The following EVI5 variants were observed in gnomAD, a reference collection of about 807,000 sequenced individuals.
The protein encoded by EVI5 is ecotropic viral integration site 5 protein homolog.
A neutral mutation model predicts 112.0 loss-of-function variants in EVI5; 73 were observed. The ratio of observed to expected loss-of-function variants is 0.65; its 90% CI spans 0.54 to 0.79. EVI5 has a LOEUF of 0.79. Among genes scored for constraint, EVI5 ranks in the 30% least tolerant of loss-of-function variants. The pLI, the probability that EVI5 is intolerant of heterozygous loss-of-function variation, is 0.00. For missense variants in EVI5, 900 were observed against 968.8 expected (o/e 0.93, Z 0.94); for synonymous variants, 305 against 319.9 (o/e 0.95, Z 0.50).
chr1:92,590,527 CAAAT>C (rs1673643503), intron 18 of EVI5, among the ~76,000 whole-genome samples: 1 of 151,980 alleles, frequency 6.6e-6, no homozygotes, highest in African/African-American at 2.4e-5. Context: ...GATGGAATAT[CAAAT>C]GAATGAAATG....
At chr1:92,579,932 A>C (rs922262077) in intron 18 of EVI5, among the ~76,000 whole-genome samples, 7 of 152,246 alleles carry the variant, frequency 4.6e-5, no homozygotes, top group African/African-American at 1.7e-4. Flanking sequence ...TGAATCTTCA[A>C]GCTTCTCTTT....
At chr1:92,645,566 T>C (rs1660784722) in intron 13 of EVI5, among the ~76,000 whole-genome samples, 1 of 152,120 alleles carries the variant, frequency 6.6e-6, no homozygotes, top group African/African-American at 2.4e-5. Context: ...CACCCCTACC[T>C]ACAGGCTCAG....
intron 14 of EVI5, among the ~76,000 whole-genome samples, chr1:92,627,655 T>C (rs892847335): frequency 3.3e-5 from 5 of 152,206 alleles, no homozygotes; most frequent in African/African-American, 1.2e-4. Context: ...AGTGCAGAAG[T>C]GTTCCCTGTT....
upstream of EVI5, among the ~76,000 whole-genome samples, chr1:92,786,235 G>A (rs1288563487): frequency 3.4e-4 from 47 of 139,786 alleles, no homozygotes; most frequent in Non-Finnish European, 5.0e-4. Context: ...AAGCATTTCA[G>A]AAAAAAAAAA....
intron 9 of EVI5, among the ~76,000 whole-genome samples, chr1:92,683,886 G>C (rs1162650878): frequency 6.6e-6 from 1 of 152,134 alleles, no homozygotes; most frequent in African/African-American, 2.4e-5. Flanking sequence ...AAGACTCCAA[G>C]AAATATGGGA....
At chr1:92,578,532 G>A (rs146040516) in intron 18 of EVI5, among the ~76,000 whole-genome samples, 3,073 of 151,944 alleles carry the variant, frequency 0.02, 113 homozygotes, top group African/African-American at 0.07. Flanking sequence ...TGGCTAACAC[G>A]GTGAAACCCC....
At chr1:92,684,318 G>A (rs1004832479) in intron 9 of EVI5, among the ~76,000 whole-genome samples, 3 of 152,068 alleles carry the variant, frequency 2.0e-5, no homozygotes, top group African/African-American at 7.2e-5. Flanking sequence ...CAGAAGTGAA[G>A]GAGAAATAAA....
At chr1:92,682,705 C>A (rs1250557275) in intron 9 of EVI5, among the ~76,000 whole-genome samples, 1 of 152,040 alleles carries the variant, frequency 6.6e-6, no homozygotes, top group African/African-American at 2.4e-5. Flanking sequence ...GAGCCAAGAT[C>A]GCACCATTGT....
chr1:92,528,253 G>A (rs1662263338), intron 19 of EVI5, among the ~76,000 whole-genome samples: 1 of 152,206 alleles, frequency 6.6e-6, no homozygotes, highest in Non-Finnish European at 1.5e-5. Context: ...GTGTAAACTG[G>A]TATAAGCACT....
At chr1:92,609,635 C>G (rs553065897) in intron 16 of EVI5, among the ~76,000 whole-genome samples, 8 of 152,258 alleles carry the variant, frequency 5.3e-5, no homozygotes, top group Middle Eastern at 3.4e-3. Context: ...TGGGAGATTA[C>G]AGGCATGAGC....
chr1:92,729,863 T>C lies in EVI5; in HGVS notation c.149+6535A>G, dbSNP rs893345677. Among the ~76,000 whole-genome samples the C allele has an allele frequency of 3.9e-5, 6 of 152,290 alleles. 1 individual carries two copies. The highest frequency in any genetic ancestry group is 3.9e-4 in the Admixed American group (6 of 15,290). On this transcript the variant is annotated intron_variant, in intron 2 of 19. Coordinates refer to ENST00000684568, the MANE Select transcript of EVI5 (RefSeq NM_001350197.2). The stretch of plus-strand genomic sequence containing the variant: ...GTATCACAAACAAAATTTTAGCAAA[T>C]TGAATCCAATACTTTACAAAGAAAA...
chr1:92,522,407 GCAGA>G (rs1468322984), intron 19 of EVI5, among the ~76,000 whole-genome samples: 6 of 152,020 alleles, frequency 3.9e-5, no homozygotes, highest in Non-Finnish European at 7.4e-5. Context: ...GGAGGCCAAG[GCAGA>G]AGGATCACAA....
chr1:92,769,471 C>T (rs565145105), intron 1 of EVI5, among the ~76,000 whole-genome samples: 12 of 152,264 alleles, frequency 7.9e-5, no homozygotes, highest in African/African-American at 2.9e-4. Context: ...TCCCTCCCTC[C>T]TCTCACGCCC....
At chr1:92,686,070 C>T (rs1201779773) in intron 9 of EVI5, among the ~76,000 whole-genome samples, 1 of 152,152 alleles carries the variant, frequency 6.6e-6, no homozygotes, top group Non-Finnish European at 1.5e-5. Flanking sequence ...CATCCTGATA[C>T]CAAAGCCTGG....
At chr1:92,665,282 T>A (rs1451365929) in intron 11 of EVI5, among the ~76,000 whole-genome samples, 2 of 152,116 alleles carry the variant, frequency 1.3e-5, no homozygotes, top group African/African-American at 4.8e-5. Flanking sequence ...TAAAGCAAAA[T>A]TCTTAAACCA....
intron 1 of EVI5, among the ~76,000 whole-genome samples, chr1:92,740,241 T>C (rs1269184830): frequency 6.6e-6 from 1 of 152,172 alleles, no homozygotes; most frequent in African/African-American, 2.4e-5. Flanking sequence ...ACAATCTTCC[T>C]TCAAAAAGTA....
intron 16 of EVI5, among the ~76,000 whole-genome samples, chr1:92,619,072 G>C (rs996529615): frequency 2.6e-5 from 4 of 152,096 alleles, no homozygotes; most frequent in Non-Finnish European, 5.9e-5. Flanking sequence ...GCTGACAAGG[G>C]GTGGACTTGT....
intron 10 of EVI5, among the ~76,000 whole-genome samples, 194 bp downstream of exon 10, chr1:92,676,964 G>C (rs1246729199): frequency 6.6e-6 from 1 of 152,130 alleles, no homozygotes; most frequent in Non-Finnish European, 1.5e-5. Context: ...AAAGGGAAGA[G>C]CTTGCTCTCC....
intron 19 of EVI5, among the ~76,000 whole-genome samples, chr1:92,548,842 A>G (rs1354931407): frequency 6.6e-6 from 1 of 151,858 alleles, no homozygotes; most frequent in Non-Finnish European, 1.5e-5. Context: ...CAACGAAATA[A>G]AAGAGGACAC....
Sources: allele counts gnomAD v4.1 joint callset (sites outside exome capture counted in the v4.1 genomes callset), GRCh38; gene constraint gnomAD v4.1.1; transcripts MANE v1.5; gene names NCBI Gene and HGNC (gene_info 2026-07-23, HGNC 2026-07-21).